The following DIS3L2 variants were observed in gnomAD, a reference collection of about 807,000 sequenced individuals.
DIS3L2 encodes DIS3 like 3'-5' exoribonuclease 2.
In DIS3L2, 34 loss-of-function variants were observed where a neutral mutation model predicts 97.5. That is an observed-to-expected ratio of 0.35 (90% CI 0.27 to 0.46). The LOEUF (loss-of-function observed/expected upper bound fraction) is 0.46. DIS3L2 is among the 20% of genes least tolerant of loss of function. The pLI is 1.00. For missense variants in DIS3L2, 1,038 were observed against 1,146.0 expected (o/e 0.91, Z 1.36); for synonymous variants, 435 against 445.2 (o/e 0.98, Z 0.29).
rs11897060 is a variant in DIS3L2 at position 232,257,441 on chromosome 2, C to G, written c.1426-5766C>G. On this transcript the variant is annotated intron_variant, in intron 12 of 20. Coordinates refer to ENST00000325385, the MANE Select transcript of DIS3L2 (RefSeq NM_152383.5). ...GACTTTTCTCACTGCCGGGCTGCCC[C>G]TACTAAGGATGATTGCCCTGTTTTC... Among the ~76,000 whole-genome samples, 533 of 152,272 alleles carry G rather than the reference C, an allele frequency of 3.5e-3. 4 individuals carry two copies. Among genetic ancestry groups the G allele is most frequent in the African/African-American group, 0.012 (505 of 41,556 alleles).
At chr2:232,187,239 TA>T (rs1412584141) in intron 9 of DIS3L2, among the ~76,000 whole-genome samples, 1 of 152,076 alleles carries the variant, frequency 6.6e-6, no homozygotes, top group Admixed American at 6.5e-5. Flanking sequence ...GGCTGTAATT[TA>T]AAAAAATACA....
chr2:231,975,496 AT>A (rs900135855), intron 1 of DIS3L2, among the ~76,000 whole-genome samples: 13 of 151,844 alleles, frequency 8.6e-5, no homozygotes, highest in Non-Finnish European at 1.5e-4. Context: ...AGGTCCGGAG[AT>A]TGAGACCATC....
rs926364238 is a variant in DIS3L2 at position 232,160,908 on chromosome 2, TTTTG to T, written c.951-2531_951-2528del. Among the ~76,000 whole-genome samples, 18 of 152,152 alleles carry T rather than the reference TTTTG, an allele frequency of 1.2e-4. No individual in the cohort carries two copies. The East Asian group carries it at 1.9e-3, about 16-fold the overall frequency. On this transcript the variant is annotated intron_variant, in intron 8 of 20. Transcript: ENST00000325385. ...TGATTTGTTTTCATTATTCATTCAT[TTTTG>T]TTTGTTTGTTTGTTTGTTTTTTTGA...
chr2:232,323,248 C>T (rs1356721935), intron 14 of DIS3L2, among the ~76,000 whole-genome samples: 1 of 152,258 alleles, frequency 6.6e-6, no homozygotes, highest in African/African-American at 2.4e-5. Flanking sequence ...CAGGCCGCCC[C>T]TACCTCTGGG....
At chr2:232,129,499 G>T (rs909536772) in intron 6 of DIS3L2, among the ~76,000 whole-genome samples, 18 of 152,200 alleles carry the variant, frequency 1.2e-4, no homozygotes, top group Non-Finnish European at 1.2e-4. Flanking sequence ...ATCTACGATA[G>T]GAAAGTTTGT....
intron 6 of DIS3L2, among the ~76,000 whole-genome samples, chr2:232,105,422 A>G (rs1697332364): frequency 6.6e-6 from 1 of 152,220 alleles, no homozygotes; most frequent in Non-Finnish European, 1.5e-5. Context: ...AAATCTTGAA[A>G]TAATAATGAT....
At chr2:231,991,515 C>T (rs1038614492) in intron 1 of DIS3L2, among the ~76,000 whole-genome samples, 5 of 152,172 alleles carry the variant, frequency 3.3e-5, no homozygotes, top group African/African-American at 4.8e-5. Context: ...AAGGATCCTT[C>T]CACCTCAGCC....
At chr2:232,253,298 G>C (rs555390540) in intron 12 of DIS3L2, among the ~76,000 whole-genome samples, 1 of 152,228 alleles carries the variant, frequency 6.6e-6, no homozygotes, top group South Asian at 2.1e-4. Context: ...CTTTACCCAC[G>C]AGGGCTTTTG....
intron 5 of DIS3L2, among the ~76,000 whole-genome samples, chr2:232,078,019 TTTTCTC>T (rs141287902): frequency 0.02 from 1,901 of 94,396 alleles, 67 homozygotes; most frequent in East Asian, 0.14. Context: ...CTTTCTTTCT[TTTTCTC>T]TTTCTCTTTC....
chr2:231,992,770 T>C (rs1412724395), intron 1 of DIS3L2, among the ~76,000 whole-genome samples: 1 of 152,164 alleles, frequency 6.6e-6, no homozygotes, highest in Non-Finnish European at 1.5e-5. Context: ...TCTTTCTCTT[T>C]TCCCTGCTGC....
chr2:231,962,837 T>C lies in DIS3L2; in HGVS notation c.-94+1072T>C, dbSNP rs1692606824. Among the ~76,000 whole-genome samples, 3 of 152,178 alleles carry C rather than the reference T, an allele frequency of 2.0e-5. No homozygotes were observed. The South Asian group carries it at 6.2e-4, about 32-fold the overall frequency. On this transcript the variant is annotated intron_variant, in intron 1 of 20. Transcript: ENST00000325385. The stretch of plus-strand genomic sequence containing the variant: ...ACTTATAAGTGAGAACGTGTGGTGT[T>C]TAGTTTTCTGTTCTTGTGCTAATTC...
chr2:231,979,002 A>G (rs1466077075), intron 1 of DIS3L2, among the ~76,000 whole-genome samples: 3 of 152,074 alleles, frequency 2.0e-5, no homozygotes, highest in East Asian at 1.9e-4. Context: ...TTGGACTCCT[A>G]TGTGTTAGAA....
At position 232,134,301 on chromosome 2, in the gene DIS3L2, T is replaced by C. The variant is rs1484098396; in HGVS notation, c.703-2171T>C. Among the ~76,000 whole-genome samples, 4 of 152,176 alleles carry C rather than the reference T, an allele frequency of 2.6e-5. No individual in the cohort carries two copies. In the East Asian group the frequency reaches 5.8e-4, roughly 22 times the overall value. On this transcript the variant is annotated intron_variant, in intron 7 of 20. Transcript: ENST00000325385. ...TGCAGAATGGGGACAGGTGAAAATA[T>C]ATCTTCAGAGAATTTAAGGTTCTAG... is the stretch of plus-strand genomic sequence containing the variant.
chr2:232,023,971 A>G (rs1443703761), intron 3 of DIS3L2, among the ~76,000 whole-genome samples: 2 of 152,112 alleles, frequency 1.3e-5, no homozygotes, highest in Non-Finnish European at 2.9e-5. Context: ...TTTGAAGACT[A>G]GCATATAGGG....
intron 5 of DIS3L2, among the ~76,000 whole-genome samples, chr2:232,086,087 GT>G (rs1478545194): frequency 6.6e-6 from 1 of 152,008 alleles, no homozygotes; most frequent in East Asian, 1.9e-4. Flanking sequence ...GTGAGTCACT[GT>G]GCCTGGCCTG....
chr2:232,270,901 TCTCTC>T (rs1304114273), intron 13 of DIS3L2, among the ~76,000 whole-genome samples: 8 of 145,686 alleles, frequency 5.5e-5, no homozygotes, highest in African/African-American at 2.2e-4. Context: ...TCTCTCTCTC[TCTCTC>T]TCTCTCTCTG....
rs994420951 is a variant in DIS3L2, at chr2:232,325,364, C to T, written c.1740-4449C>T. Among the ~76,000 whole-genome samples, 3 of 152,226 alleles carry T rather than the reference C, an allele frequency of 2.0e-5. No individual in the cohort carries two copies. Among genetic ancestry groups the T allele is most frequent in the African/African-American group, 7.2e-5 (3 of 41,456 alleles). ...GAGGAACGTTTGTGCACTGTGGGAA[C>T]CTCTGTCTCTACCAGTGTCACCCTT... On this transcript the variant is annotated intron_variant, in intron 14 of 20. Coordinates refer to ENST00000325385, the MANE Select transcript of DIS3L2 (RefSeq NM_152383.5). This position sits in a 1 kb window ranked among gnomAD's most constrained non-coding sequence, Gnocchi z 4.6.
intron 5 of DIS3L2, among the ~76,000 whole-genome samples, chr2:232,048,525 G>T (rs1303387447): frequency 1.3e-5 from 2 of 152,174 alleles, no homozygotes; most frequent in African/African-American, 4.8e-5. Flanking sequence ...GAGGTCAGGA[G>T]ATCGAGACCA....
At chr2:232,148,755 T>TTC (rs1224500322) in intron 8 of DIS3L2, among the ~76,000 whole-genome samples, 2 of 138,122 alleles carry the variant, frequency 1.4e-5, no homozygotes, top group Non-Finnish European at 3.3e-5. Context: ...TTTCTTTTTT[T>TTC]TTTTTTTTTT....
Sources: gnomAD v4.1 joint callset for allele counts (sites outside exome capture counted in the v4.1 genomes callset) on GRCh38, gnomAD v4.1.1 for gene constraint, Gnocchi (gnomAD v3.1) non-coding constraint, MANE v1.5 for transcripts, NCBI Gene and HGNC (gene_info 2026-07-23, HGNC 2026-07-21) for gene names.